The following MOSMO variants were observed in gnomAD, a reference collection of about 807,000 sequenced individuals.
MOSMO encodes the protein modulator of smoothened protein.
MOSMO carries 5 observed loss-of-function variants against 18.4 expected under a neutral mutation model. That is an observed-to-expected ratio of 0.27 (90% CI 0.14 to 0.57). MOSMO has a LOEUF of 0.57. MOSMO is among the 20% of genes least tolerant of loss of function. MOSMO has a pLI of 0.92. For synonymous variants in MOSMO, 82 were observed against 82.3 expected, an observed-to-expected ratio of 1.00 and a Z score of 0.02; for missense variants, 138 against 211.8, an observed-to-expected ratio of 0.65 and a Z score of 2.16.
At chr16:22,013,431 G>A (rs1946266698) in intron 1 of MOSMO, among the ~76,000 whole-genome samples, 1 of 152,286 alleles carries the variant, frequency 6.6e-6, no homozygotes, top group South Asian at 2.1e-4. Context: ...AGACTTGGGG[G>A]TCTTTGCTTT....
chr16:22,092,602 G>A, the MOSMO span: 8 of 1,549,854 alleles, frequency 5.2e-6, no homozygotes, highest in East Asian at 1.2e-4. Flanking sequence ...AGGCCCTGGA[G>A]TGCCAGGAGC....
chr16:22,058,756 T>C (rs1900587318), intron 1 of MOSMO, among the ~76,000 whole-genome samples: 1 of 152,202 alleles, frequency 6.6e-6, no homozygotes, highest in Non-Finnish European at 1.5e-5. Flanking sequence ...TTGAGATGCC[T>C]ATGAGGCATC....
intron 1 of MOSMO, among the ~76,000 whole-genome samples, chr16:22,031,939 T>C (rs182342406): frequency 6.6e-6 from 1 of 152,184 alleles, no homozygotes; most frequent in African/African-American, 2.4e-5. Flanking sequence ...CAGACTGTTT[T>C]CCAAAGTGGT....
chr16:22,016,702 T>A (rs1452992131), intron 1 of MOSMO, among the ~76,000 whole-genome samples: 1 of 152,210 alleles, frequency 6.6e-6, no homozygotes, highest in African/African-American at 2.4e-5. Flanking sequence ...GTCCCTGTCC[T>A]ACTATTTACG....
At chr16:22,038,154 C>T (rs1178942221) in intron 1 of MOSMO, among the ~76,000 whole-genome samples, 1 of 152,090 alleles carries the variant, frequency 6.6e-6, no homozygotes, top group African/African-American at 2.4e-5. Flanking sequence ...TGTTGGGAAG[C>T]CTGATGAAAA....
At chr16:22,080,562 C>A (rs1349610004) in intron 2 of MOSMO, 134 bp from the exon 3 acceptor site, 1 of 536,656 alleles carries the variant, frequency 1.9e-6, no homozygotes, top group Admixed American at 4.2e-5. Context: ...AATATATACA[C>A]ATTTTTAACA....
At chr16:22,028,221 C>A (rs2141992374) in intron 1 of MOSMO, among the ~76,000 whole-genome samples, 1 of 152,124 alleles carries the variant, frequency 6.6e-6, no homozygotes, top group South Asian at 2.1e-4. Context: ...GCATATATAT[C>A]CATCCATACA....
chr16:22,008,373 C>T lies in MOSMO; in HGVS notation c.72C>T (p.Ala24=). The T allele has an allele frequency of 6.5e-7, 1 of 1,533,808 alleles. No individual in the cohort carries two copies. Among genetic ancestry groups the T allele is most frequent in the Non-Finnish European group, 8.7e-7 (1 of 1,145,976 alleles). Residue 24 remains alanine, a synonymous_variant, in exon 1 of 3, where the codon GCC becomes GCT. Transcript: ENST00000542527. ...ATATCTTCGCCATCGCCAGCATCGCCAACCCGGACTGGATCAACACCGGGG... is the reference window on the plus strand; with the variant it reads ...ATATCTTCGCCATCGCCAGCATCGCTAACCCGGACTGGATCAACACCGGGG... ...AADIFAIASI[A]NPDWINTGES... is the part of the protein sequence containing the mutation.
At chr16:22,076,567 G>A (rs1347360406) in intron 2 of MOSMO, among the ~76,000 whole-genome samples, 2 of 152,274 alleles carry the variant, frequency 1.3e-5, no homozygotes, top group Non-Finnish European at 2.9e-5. Context: ...AAAGAAACAG[G>A]AGAACAATAC....
chr16:22,075,313 C>G (rs193075389), intron 1 of MOSMO, 174 bp from the exon 2 acceptor site: 1 of 699,144 alleles, frequency 1.4e-6, no homozygotes, highest in Admixed American at 2.0e-5. Context: ...GTATGTTAAA[C>G]TAAGTATTAC....
chr16:22,051,566 T>C (rs1265224025), intron 1 of MOSMO, among the ~76,000 whole-genome samples: 2 of 152,152 alleles, frequency 1.3e-5, no homozygotes, highest in African/African-American at 4.8e-5. Flanking sequence ...CAACAACAGC[T>C]CCATGCCCCT....
At chr16:22,022,952 G>A (rs570668214) in intron 1 of MOSMO, among the ~76,000 whole-genome samples, 1 of 152,164 alleles carries the variant, frequency 6.6e-6, no homozygotes, top group African/African-American at 2.4e-5. Context: ...GACTAAGACA[G>A]TAACCAAGTG....
intron 1 of MOSMO, among the ~76,000 whole-genome samples, chr16:22,034,014 A>G (rs1900051175): frequency 6.6e-6 from 1 of 152,320 alleles, no homozygotes; most frequent in Admixed American, 6.5e-5. Flanking sequence ...ACGATGGTCA[A>G]GTTGAAAAAC....
At chr16:22,029,267 G>A (rs1193350894) in intron 1 of MOSMO, among the ~76,000 whole-genome samples, 1 of 152,110 alleles carries the variant, frequency 6.6e-6, no homozygotes, top group Non-Finnish European at 1.5e-5. Flanking sequence ...TTCTTTCTCT[G>A]GGCTGTTAGA....
intron 1 of MOSMO, among the ~76,000 whole-genome samples, chr16:22,016,007 AATTT>A: frequency 6.6e-6 from 1 of 152,256 alleles, no homozygotes; most frequent in South Asian, 2.1e-4. Flanking sequence ...ACCCCTTTCA[AATTT>A]TGCATAGTAA....
chr16:22,041,319 G>C (rs1900206108), intron 1 of MOSMO, among the ~76,000 whole-genome samples: 1 of 152,292 alleles, frequency 6.6e-6, no homozygotes, highest in Admixed American at 6.5e-5. Flanking sequence ...AGTTTAGAGA[G>C]AGAGCAGAAA....
intron 1 of MOSMO, among the ~76,000 whole-genome samples, chr16:22,064,032 T>A (rs1900702433): frequency 6.6e-6 from 1 of 152,214 alleles, no homozygotes. Context: ...CTAATCTCTC[T>A]GGGCTTCAGT....
intron 1 of MOSMO, among the ~76,000 whole-genome samples, chr16:22,020,389 G>T (rs1899734320): frequency 6.7e-6 from 1 of 149,488 alleles, no homozygotes; most frequent in Non-Finnish European, 1.5e-5. Flanking sequence ...CCGCCTCCCG[G>T]GTTCAAGTGA....
At chr16:22,090,892 G>T (rs1190055168), downstream of MOSMO, among the ~76,000 whole-genome samples, 1 of 152,208 alleles carries the variant, frequency 6.6e-6, no homozygotes, top group African/African-American at 2.4e-5. Flanking sequence ...AATGTGTGTT[G>T]TGTAGGCTCA....
Sources: gnomAD v4.1 joint callset for allele counts (sites outside exome capture counted in the v4.1 genomes callset) on GRCh38, gnomAD v4.1.1 for gene constraint, MANE v1.5 for transcripts, NCBI Gene and HGNC (gene_info 2026-07-23, HGNC 2026-07-21) for gene names.